The following ZNF510 variants were observed in gnomAD, a reference collection of about 807,000 sequenced individuals.
ZNF510 encodes the protein zinc finger protein 510.
In ZNF510, 15 loss-of-function variants were observed where a neutral mutation model predicts 18.1. That is an observed-to-expected ratio of 0.83 (90% CI 0.55 to 1.28). The LOEUF (loss-of-function observed/expected upper bound fraction) is 1.28. ZNF510 is among the 50% of genes most tolerant of loss of function. The pLI is 0.00. For synonymous variants in ZNF510, 261 were observed against 266.4 expected (o/e 0.98, Z 0.20); for missense variants, 724 against 791.8 (o/e 0.91, Z 1.03).
At chr9:96,769,837 C>T (rs553377899) in intron 3 of ZNF510, among the ~76,000 whole-genome samples, 5 of 152,094 alleles carry the variant, frequency 3.3e-5, no homozygotes, top group Admixed American at 2.6e-4. Flanking sequence ...TGTCATTAAT[C>T]AAGGAAATGC....
Position 96,756,059 on chromosome 9 carries a change from CTCT to C in ZNF510, c.*2716_*2718del, listed in dbSNP as rs1156308011. ...CCAGTCAGTCTTATCAGAAAATAGT[CTCT>C]TATTATGGGCATCTACTTGAGCAAC... On this transcript the variant is annotated 3_prime_UTR_variant, in exon 6 of 6. Transcript: ENST00000223428. 6.6e-6 allele frequency: 1 copy of C among 152,048 alleles called. No individual in the cohort carries two copies. Among genetic ancestry groups the C allele is most frequent in the Non-Finnish European group, 1.5e-5 (1 of 68,014 alleles). The allele number at this position is 152,048 out of a possible 1,614,324, so 9.4% of individuals were successfully genotyped here.
At chr9:96,769,008 C>T (rs1223790878) in intron 3 of ZNF510, among the ~76,000 whole-genome samples, 1 of 152,144 alleles carries the variant, frequency 6.6e-6, no homozygotes, top group Non-Finnish European at 1.5e-5. Flanking sequence ...CAGAATAGCA[C>T]TGAGAGCCCA....
chr9:96,776,793 C>A (rs1849712910), intron 1 of ZNF510, among the ~76,000 whole-genome samples: 1 of 151,984 alleles, frequency 6.6e-6, no homozygotes, highest in African/African-American at 2.4e-5. Context: ...CCCTCTCCCC[C>A]CACCAAAAAA....
chr9:96,764,983 A>G (rs1196197339), intron 3 of ZNF510, among the ~76,000 whole-genome samples: 1 of 150,218 alleles, frequency 6.7e-6, no homozygotes, highest in Admixed American at 6.6e-5. Flanking sequence ...TGTGGTGGTG[A>G]GTGCCTGTAA....
chr9:96,776,567 G>A (rs185797234), intron 1 of ZNF510, among the ~76,000 whole-genome samples: 1 of 152,292 alleles, frequency 6.6e-6, no homozygotes, highest in East Asian at 1.9e-4. Context: ...CTGAGGTCAG[G>A]AGTTCAAGAT....
chr9:96,769,474 A>T (rs1849542409), intron 3 of ZNF510, among the ~76,000 whole-genome samples: 1 of 151,944 alleles, frequency 6.6e-6, no homozygotes, highest in South Asian at 2.1e-4. Context: ...GGGATCAAAG[A>T]CCTAAATATA....
chr9:96,762,940 T>C, intron 5 of ZNF510, 178 bp downstream of exon 5: 1 of 539,106 alleles, frequency 1.9e-6, no homozygotes, highest in Admixed American at 3.1e-5. Flanking sequence ...AATAATATAT[T>C]AACAAATTTC....
chr9:96,763,435 A>G, intron 4 of ZNF510, 71 bp downstream of exon 4: 1 of 1,505,560 alleles, frequency 6.6e-7, no homozygotes, highest in Non-Finnish European at 8.9e-7. Context: ...AATTGTTCAC[A>G]TGTATTGGCA....
At chr9:96,775,965 C>A in intron 2 of ZNF510, 35 bp downstream of exon 2, 1 of 1,588,608 alleles carries the variant, frequency 6.3e-7, no homozygotes, top group Non-Finnish European at 8.6e-7. Flanking sequence ...CCTGTGCAGT[C>A]TGACAGTCAC....
chr9:96,763,369 G>T, intron 4 of ZNF510, 137 bp downstream of exon 4: 2 of 1,294,348 alleles, frequency 1.5e-6, no homozygotes, highest in South Asian at 1.4e-5. Context: ...TCCTCGACAG[G>T]GCATAGTTAC....
At chr9:96,762,162 G>C (rs568111370) in intron 5 of ZNF510, among the ~76,000 whole-genome samples, 2 of 144,944 alleles carry the variant, frequency 1.4e-5, no homozygotes, top group African/African-American at 5.1e-5. Context: ...GAACTTACTC[G>C]TGTAACCAAA....
chr9:96,765,522 T>TC (rs1849449747), intron 3 of ZNF510, among the ~76,000 whole-genome samples: 1 of 151,802 alleles, frequency 6.6e-6, no homozygotes, highest in African/African-American at 2.4e-5. Flanking sequence ...ACTTTTTCTT[T>TC]TTTTTTTTTG....
At chr9:96,774,701 G>T in intron 3 of ZNF510, 87 bp downstream of exon 3, 3 of 1,198,444 alleles carry the variant, frequency 2.5e-6, no homozygotes, top group South Asian at 1.3e-5. Context: ...GAATGATTTT[G>T]ATCCATTTCT....
intron 1 of ZNF510, among the ~76,000 whole-genome samples, chr9:96,777,135 G>A (rs968023356): frequency 6.6e-6 from 1 of 152,192 alleles, no homozygotes; most frequent in Non-Finnish European, 1.5e-5. Flanking sequence ...ACAGAGACAG[G>A]AGGGACAGCA....
intron 3 of ZNF510, among the ~76,000 whole-genome samples, chr9:96,765,453 C>T (rs1224937380): frequency 6.6e-6 from 1 of 151,970 alleles, no homozygotes; most frequent in Non-Finnish European, 1.5e-5. Context: ...TAAGTGTCCA[C>T]TTCTCAGTCT....
At chr9:96,773,578 C>G (rs1564441836) in intron 3 of ZNF510, among the ~76,000 whole-genome samples, 1 of 148,508 alleles carries the variant, frequency 6.7e-6, no homozygotes, top group African/African-American at 2.5e-5. Flanking sequence ...CTGTTGACAT[C>G]TGTTTTTTTT....
rs1034543064 is a variant in ZNF510, at chr9:96,755,392, C to T, written c.*3386G>A. ...TGATGTTTTGATTCTCAGGGACTAA[C>T]TGGTCCTAACAGGTACTAACTGGGC... is the stretch of plus-strand genomic sequence containing the variant. On this transcript the variant is annotated 3_prime_UTR_variant, in exon 6 of 6. Coordinates refer to ENST00000223428, the MANE Select transcript of ZNF510 (RefSeq NM_014930.3). Among the ~76,000 whole-genome samples the T allele has an allele frequency of 1.3e-5, 2 of 152,196 alleles. No individual in the cohort carries two copies. Among genetic ancestry groups the T allele is most frequent in the Non-Finnish European group, 2.9e-5 (2 of 68,038 alleles).
At chr9:96,771,584 T>C (rs1398701070) in intron 3 of ZNF510, among the ~76,000 whole-genome samples, 1 of 152,096 alleles carries the variant, frequency 6.6e-6, no homozygotes, top group Non-Finnish European at 1.5e-5. Context: ...ATTTCTATTA[T>C]CACCATTTGT....
Position 96,758,792 on chromosome 9 carries a change from C to T in ZNF510, c.2038G>A (p.Gly680Arg). The change falls in exon 6 of 6, where the codon GGG (glycine) becomes AGG (arginine). Residue 680 changes from glycine (G) to arginine (R), a missense_variant. Transcript: ENST00000223428. ...TAGTTATTACATCAATAGGGATTCC[C>T]CTCTCCCTGAATTTTCTGGTATAAG... ...LSLYQKIQGE[G>R]NPY 6.3e-7 allele frequency: 1 copy of T among 1,582,898 alleles called. No individual in the cohort carries two copies. Among genetic ancestry groups the T allele is most frequent in the Non-Finnish European group, 8.6e-7 (1 of 1,164,604 alleles).
Sources: allele counts gnomAD v4.1 joint callset (sites outside exome capture counted in the v4.1 genomes callset), GRCh38; gene constraint gnomAD v4.1.1; transcripts MANE v1.5; gene names NCBI Gene and HGNC (gene_info 2026-07-23, HGNC 2026-07-21).